CDHR2: variants seen among roughly 807,000 people sequenced by gnomAD.
CDHR2 encodes the protein cadherin related family member 2, also known as cadherin-related family member 2.
CDHR2 carries 104 observed loss-of-function variants against 138.6 expected under a neutral mutation model. That is an observed-to-expected ratio of 0.75 (90% CI 0.64 to 0.88). The LOEUF (loss-of-function observed/expected upper bound fraction) is 0.88, where lower values mean the gene tolerates loss of function less well. Ranked by LOEUF, CDHR2 falls within the 40% of genes least tolerant of loss-of-function variation. The pLI is 0.00. For synonymous variants in CDHR2, 755 were observed against 742.8 expected, an observed-to-expected ratio of 1.02 and a Z score of -0.27; for missense variants, 1,624 against 1,727.6, an observed-to-expected ratio of 0.94 and a Z score of 1.06.
chr5:176,582,388 G>C (rs1365084621), intron 17 of CDHR2, among the ~76,000 whole-genome samples: 1 of 151,992 alleles, frequency 6.6e-6, no homozygotes, highest in East Asian at 1.9e-4. Context: ...GGCCAATTTT[G>C]AACTGTTGGC....
chr5:176,561,365 G>A lies in CDHR2; in HGVS notation c.-15-3973G>A, dbSNP rs139431803. 3.9e-3 allele frequency among the ~76,000 whole-genome samples: 599 copies of A among 152,208 alleles called. 1 individual carries two copies. The highest frequency in any genetic ancestry group is 6.7e-3 in the Non-Finnish European group (459 of 68,024). Reference sequence around the variant, plus strand: ...CACCTGGGGTTGCAGTGACTCACTGGCTCATCCATTCATTCCTTTCAGAAA... The same window carrying A: ...CACCTGGGGTTGCAGTGACTCACTGACTCATCCATTCATTCCTTTCAGAAA... On this transcript the variant is annotated intron_variant, in intron 1 of 31. Coordinates refer to ENST00000261944, the MANE Select transcript of CDHR2 (RefSeq NM_017675.6).
chr5:176,591,223 C>A lies in CDHR2; in HGVS notation c.3553C>A (p.Leu1185Ile), dbSNP rs890086618. ...VCVRKSYNRKLQAMKAAKEAR... is the reference protein window; with the variant it reads ...VCVRKSYNRKIQAMKAAKEAR... Reference sequence around the variant, plus strand: ...GGTTCCCCACAGCTACAACCGGAAGCTTCAAGCTATGAAGGCTGCCAAGGA... The same window carrying A: ...GGTTCCCCACAGCTACAACCGGAAGATTCAAGCTATGAAGGCTGCCAAGGA... The change falls in exon 29 of 32, where the codon CTT becomes ATT. Residue 1185 changes from leucine to isoleucine, a missense_variant. Physicochemically the swap from Leu to Ile is conservative, Grantham distance 5. Coordinates refer to ENST00000261944, the MANE Select transcript of CDHR2 (RefSeq NM_017675.6). 5 of 1,613,284 alleles carry A rather than the reference C, an allele frequency of 3.1e-6. No homozygotes were observed. In the African/African-American group the frequency reaches 6.7e-5, roughly 22 times the overall value.
In CDHR2 at chr5:176,589,163, GTGTT is replaced by G; in HGVS notation, c.2990_2993del (p.Val997AlafsTer8). 1 of 1,614,150 alleles carries G rather than the reference GTGTT, an allele frequency of 6.2e-7. No individual in the cohort carries two copies. Among genetic ancestry groups the G allele is most frequent in the African/African-American group, 1.3e-5 (1 of 75,050 alleles). Reference sequence around the variant, plus strand: ...GATCTTCACCTCCTCCGAGGCCGACGTGTTCGCTGGGAGCATTCAGTAACTGCGG... The same window carrying G: ...GATCTTCACCTCCTCCGAGGCCGACGCGCTGGGAGCATTCAGTAACTGCGG... On this transcript the variant is annotated frameshift_variant, in exon 22 of 32. Coordinates refer to ENST00000261944, the MANE Select transcript of CDHR2 (RefSeq NM_017675.6). LOFTEE classifies it high-confidence loss of function.
At chr5:176,575,860 C>T (rs1375309754) in intron 11 of CDHR2, 21 bp downstream of exon 11, 2 of 1,543,266 alleles carry the variant, frequency 1.3e-6, no homozygotes, top group African/African-American at 2.7e-5. Context: ...GCCCCACCAC[C>T]CCTGTCAGAA....
At chr5:176,582,647 T>A (rs1255004324) in intron 17 of CDHR2, among the ~76,000 whole-genome samples, 1 of 152,104 alleles carries the variant, frequency 6.6e-6, no homozygotes, top group Non-Finnish European at 1.5e-5. Context: ...CCAGGCATGG[T>A]GGCATGTACC....
At chr5:176,545,751 C>T (rs913954880), upstream of CDHR2, among the ~76,000 whole-genome samples, 1 of 152,198 alleles carries the variant, frequency 6.6e-6, no homozygotes, top group Non-Finnish European at 1.5e-5. Context: ...GGCTCTTAGT[C>T]CCACTCTGCC....
chr5:176,565,683 G>A lies in CDHR2; in HGVS notation c.64G>A (p.Val22Met), dbSNP rs1436795622. The A allele has an allele frequency of 1.4e-5, 22 of 1,613,688 alleles. No homozygotes were observed. The highest frequency in any genetic ancestry group is 4.4e-5 in the South Asian group (4 of 91,044). The change falls in exon 3 of 32, where the codon GTG (valine) becomes ATG (methionine). Residue 22 changes from valine (V) to methionine (M), a missense_variant. This residue lies in a region of CDHR2 where 1,061 missense variants were observed against 1,136.6 expected (regional missense o/e 0.93). Coordinates refer to ENST00000261944, the MANE Select transcript of CDHR2 (RefSeq NM_017675.6). ...PALVVSVAAN[V>M]APKFLANMTS... is the part of the protein sequence containing the mutation. The stretch of plus-strand genomic sequence containing the variant: ...CTGTGTCCCTACAGTGGCAGCCAAC[G>A]TGGCCCCGAAGTTCCTAGCCAACAT...
chr5:176,588,530 T>C (rs1758739052), intron 21 of CDHR2, among the ~76,000 whole-genome samples: 1 of 136,124 alleles, frequency 7.3e-6, no homozygotes, highest in African/African-American at 2.9e-5. Flanking sequence ...TGTGTGAGTG[T>C]GTTAGGGTGA....
intron 1 of CDHR2, among the ~76,000 whole-genome samples, chr5:176,552,574 G>A (rs773474642): frequency 6.6e-6 from 1 of 152,206 alleles, no homozygotes; most frequent in Non-Finnish European, 1.5e-5. Flanking sequence ...CATGGGGAAG[G>A]CTTAGCATTG....
chr5:176,589,447 T>C lies in CDHR2; in HGVS notation c.3117+9T>C. 1.2e-6 allele frequency: 2 copies of C among 1,608,800 alleles called. No homozygotes were observed. Among genetic ancestry groups the C allele is most frequent in the Non-Finnish European group, 1.7e-6 (2 of 1,176,338 alleles). ...CCACCACCACCCTGAATGTGAGTGC[T>C]GGTCCCACCTCCAGCCCCCAACGCC... On this transcript the variant is annotated intron_variant, in intron 23 of 31. Transcript: ENST00000261944.
intron 5 of CDHR2, among the ~76,000 whole-genome samples, chr5:176,569,525 G>C (rs1459885187): frequency 6.6e-6 from 1 of 151,754 alleles, no homozygotes; most frequent in Non-Finnish European, 1.5e-5. Context: ...CTTGTGATCC[G>C]CCCGCCTCGG....
At chr5:176,568,552 C>A in intron 3 of CDHR2, 126 bp from the exon 4 acceptor site, 1 of 1,028,584 alleles carries the variant, frequency 9.7e-7, no homozygotes, top group East Asian at 2.6e-5. Context: ...TTGGGGAGGT[C>A]CCAGATGGCA....
chr5:176,575,365 A>G lies in CDHR2; in HGVS notation c.707A>G (p.Asp236Gly), dbSNP rs1246690333. 6.2e-7 allele frequency: 1 copy of G among 1,614,114 alleles called. No homozygotes were observed. Among genetic ancestry groups the G allele is most frequent in the Admixed American group, 1.7e-5 (1 of 60,018 alleles). ...TCCATCTCCGTGGTGGACCAGCCTG[A>G]CCTTGACCCCCAGTTTGTCAGGGAG... ...FLSISVVDQP[D>G]LDPQFVREFY... The change falls in exon 9 of 32, where the codon GAC (aspartate) becomes GGC (glycine). Residue 236 changes from aspartate to glycine, a missense_variant. By Grantham distance (94) the Asp-to-Gly change is moderately conservative. Coordinates refer to ENST00000261944, the MANE Select transcript of CDHR2 (RefSeq NM_017675.6).
chr5:176,586,542 C>T (rs1213714607), intron 20 of CDHR2: 1 of 533,290 alleles, frequency 1.9e-6, no homozygotes, highest in Non-Finnish European at 3.3e-6. Flanking sequence ...ATGTCTGGCC[C>T]TGGGCCAGGA....
chr5:176,554,121 T>G (rs1031860058), intron 1 of CDHR2, among the ~76,000 whole-genome samples: 1 of 152,152 alleles, frequency 6.6e-6, no homozygotes, highest in Non-Finnish European at 1.5e-5. Flanking sequence ...AGCTGTCATC[T>G]CCGGGGTTCT....
In CDHR2 at chr5:176,592,703, C is replaced by T. The variant is rs1329892600; in HGVS notation, c.3735-20C>T. The T allele has an allele frequency of 5.0e-6, 8 of 1,612,936 alleles. No homozygotes were observed. The highest frequency in any genetic ancestry group is 3.3e-5 in the Admixed American group (2 of 59,980). ...AGGACTGGGCCTGCCAACACCTGAG[C>T]TCCATCACCTCTCTTACAGCGTCAA... On this transcript the variant is annotated intron_variant, in intron 30 of 31. Coordinates refer to ENST00000261944, the MANE Select transcript of CDHR2 (RefSeq NM_017675.6).
At chr5:176,574,457 C>A (rs775737892) in intron 7 of CDHR2, among the ~76,000 whole-genome samples, 8 of 152,216 alleles carry the variant, frequency 5.3e-5, no homozygotes, top group Admixed American at 5.2e-4. Context: ...ACCCATTTCT[C>A]ATGGAAACAG....
At chr5:176,565,638 T>C in intron 2 of CDHR2, 34 bp from the exon 3 acceptor site, 1 of 1,589,720 alleles carries the variant, frequency 6.3e-7, no homozygotes, top group Non-Finnish European at 8.6e-7. Context: ...TTTGCAGGGG[T>C]GTCCCGATGT....
intron 17 of CDHR2, among the ~76,000 whole-genome samples, chr5:176,581,870 A>G (rs918857200): frequency 8.5e-5 from 13 of 152,256 alleles, no homozygotes; most frequent in Non-Finnish European, 1.5e-4. Flanking sequence ...ATTGTCACTC[A>G]TAAAGTCCCA....
Sources: allele counts gnomAD v4.1 joint callset (sites outside exome capture counted in the v4.1 genomes callset), GRCh38; gene constraint gnomAD v4.1.1; regional missense constraint gnomAD v4.1.1; transcripts MANE v1.5; gene names NCBI Gene and HGNC (gene_info 2026-07-23, HGNC 2026-07-21).